The following CELF2 variants were observed in gnomAD, a reference collection of about 807,000 sequenced individuals.
CELF2 encodes the protein CUGBP Elav-like family member 2, also known as CUG triplet repeat RNA-binding protein 2.
Under a neutral mutation model 62.6 loss-of-function variants are expected in CELF2, and 8 were observed. The ratio of observed to expected loss-of-function variants is 0.13; its 90% CI spans 0.07 to 0.23. The LOEUF is 0.23. CELF2 is among the 10% of genes least tolerant of loss of function. The pLI is 1.00. For synonymous variants in CELF2, 258 were observed against 250.0 expected, an observed-to-expected ratio of 1.03 and a Z score of -0.30; for missense variants, 333 against 671.0, an observed-to-expected ratio of 0.50 and a Z score of 5.56.
At position 11,285,186 on chromosome 10, in the gene CELF2, C is replaced by A. The variant is rs773232909; in HGVS notation, c.842-3232C>A. On this transcript the variant is annotated intron_variant, in intron 8 of 12. Coordinates refer to ENST00000633077, the MANE Select transcript of CELF2 (RefSeq NM_001326342.2). This position sits in a 1 kb window ranked among gnomAD's most constrained non-coding sequence, Gnocchi z 4.3. ...ATAGATGGACGAGCAAATATGGATCCGCCTCCTTGATTGGTTCTGACTAAC... is the reference window on the plus strand; with the variant it reads ...ATAGATGGACGAGCAAATATGGATCAGCCTCCTTGATTGGTTCTGACTAAC... Among the ~76,000 whole-genome samples the A allele has an allele frequency of 6.6e-6, 1 of 151,884 alleles. No homozygotes were observed. The highest frequency in any genetic ancestry group is 1.5e-5 in the Non-Finnish European group (1 of 67,930).
intron 2 of CELF2, among the ~76,000 whole-genome samples, chr10:10,980,685 G>T (rs1425112607): frequency 2.6e-5 from 4 of 152,222 alleles, no homozygotes; most frequent in Non-Finnish European, 2.9e-5. Context: ...ACCCGCACAG[G>T]TTATTTGAGA....
rs754067634 is a variant in CELF2 at position 11,305,660 on chromosome 10, CT to C, written c.977-8478del. ...GCACCTAATGACCTAGGCACTCGGT[CT>C]CTGACCTACAGTGTTAACCTAAGAC... On this transcript the variant is annotated intron_variant, in intron 9 of 12. Coordinates refer to ENST00000633077, the MANE Select transcript of CELF2 (RefSeq NM_001326342.2). The surrounding 1 kb of genome is among the most constrained non-coding windows in gnomAD (Gnocchi z 4.8). 8.5e-5 allele frequency among the ~76,000 whole-genome samples: 13 copies of C among 152,194 alleles called. No individual in the cohort carries two copies. Among genetic ancestry groups the C allele is most frequent in the Non-Finnish European group, 1.5e-4 (10 of 68,038 alleles).
intron 1 of CELF2, among the ~76,000 whole-genome samples, chr10:11,009,057 A>G (rs1185587279): frequency 6.8e-6 from 1 of 146,800 alleles, no homozygotes; most frequent in Non-Finnish European, 1.5e-5. Context: ...TTGCTTCTCT[A>G]ATTGTTCCTG....
At chr10:11,133,743 C>T (rs1180702508) in intron 1 of CELF2, among the ~76,000 whole-genome samples, 2 of 152,208 alleles carry the variant, frequency 1.3e-5, no homozygotes, top group African/African-American at 4.8e-5. Context: ...GCCTTGCACA[C>T]CTATCACCTT....
intron 2 of CELF2, among the ~76,000 whole-genome samples, chr10:10,978,318 A>G (rs958596838): frequency 5.3e-5 from 8 of 152,168 alleles, no homozygotes; most frequent in African/African-American, 1.9e-4. Context: ...CAGTTCTAAT[A>G]ATGTAAGTCT....
intron 1 of CELF2, among the ~76,000 whole-genome samples, chr10:11,100,187 G>A (rs2051148112): frequency 6.6e-6 from 1 of 151,912 alleles, no homozygotes; most frequent in Admixed American, 6.6e-5. Context: ...CTGGGTGACA[G>A]AGCGAGACTC....
intron 1 of CELF2, among the ~76,000 whole-genome samples, chr10:10,887,772 T>C (rs546518711): frequency 1.3e-5 from 2 of 151,888 alleles, no homozygotes; most frequent in African/African-American, 4.8e-5. Flanking sequence ...GTGTAGACTT[T>C]TATTTTTTTT....
the CELF2 span, among the ~76,000 whole-genome samples, chr10:10,629,386 A>G: frequency 6.6e-6 from 1 of 152,166 alleles, no homozygotes; most frequent in Non-Finnish European, 1.5e-5. Context: ...TGTGCTCACA[A>G]AATGCACCCC....
At chr10:10,989,926 G>C (rs2053242419) in intron 2 of CELF2, among the ~76,000 whole-genome samples, 1 of 152,066 alleles carries the variant, frequency 6.6e-6, no homozygotes. Context: ...TGAAGTAACA[G>C]GTCATCACTC....
chr10:10,620,450 C>CA, the CELF2 span, among the ~76,000 whole-genome samples: 6,354 of 88,152 alleles, frequency 0.072, 536 homozygotes, highest in East Asian at 0.29. Context: ...GGCTCAGTCT[C>CA]AAAAAAAAAA....
At chr10:11,101,141 T>C (rs2051498591) in intron 1 of CELF2, among the ~76,000 whole-genome samples, 1 of 152,182 alleles carries the variant, frequency 6.6e-6, no homozygotes, top group Non-Finnish European at 1.5e-5. Flanking sequence ...ATGATGACTC[T>C]TGGATTTCTT....
At chr10:10,774,502 T>A in the CELF2 span, among the ~76,000 whole-genome samples, 4 of 152,184 alleles carry the variant, frequency 2.6e-5, no homozygotes, top group Admixed American at 6.5e-5. Flanking sequence ...GATAGAGTTC[T>A]TATGAGATCT....
the CELF2 span, among the ~76,000 whole-genome samples, chr10:10,582,213 G>A: frequency 2.0e-5 from 3 of 152,158 alleles, no homozygotes; most frequent in East Asian, 3.9e-4. Context: ...GTGAATCCCT[G>A]CTCAGGGGAT....
intron 1 of CELF2, among the ~76,000 whole-genome samples, chr10:10,887,677 C>G (rs978915903): frequency 2.0e-5 from 3 of 152,070 alleles, no homozygotes; most frequent in African/African-American, 4.8e-5. Context: ...ATTCATACAT[C>G]AAAGCTTCTG....
intron 1 of CELF2, among the ~76,000 whole-genome samples, chr10:10,909,489 T>C (rs899107379): frequency 1.3e-5 from 2 of 152,220 alleles, no homozygotes; most frequent in Non-Finnish European, 2.9e-5. Flanking sequence ...TTCTTCTCCA[T>C]GGTTTCTCTC....
intron 1 of CELF2, among the ~76,000 whole-genome samples, chr10:10,815,904 G>GTT (rs33926226): frequency 0.11 from 14,753 of 132,422 alleles, 878 homozygotes; most frequent in East Asian, 0.24. Context: ...GGTTTGGGTT[G>GTT]TTTTTTTTTT....
rs1275252424 is a variant in CELF2, at chr10:11,075,390, T to A, written c.74+57227T>A. ...TGAGAACTGCCCAGTAAAAAGATTA[T>A]ATTCTATTTTACAACCTTACTTATT... On this transcript the variant is annotated intron_variant, in intron 1 of 12. Transcript: ENST00000633077. This position sits in a 1 kb window ranked among gnomAD's most constrained non-coding sequence, Gnocchi z 5.4. 1 of 152,174 alleles carries A rather than the reference T, an allele frequency of 6.6e-6. No individual in the cohort carries two copies. Among genetic ancestry groups the A allele is most frequent in the South Asian group, 2.1e-4 (1 of 4,832 alleles). 9.4% of individuals were successfully genotyped at this position (152,174 alleles called of 1,614,324 possible). A position where few individuals can be genotyped will look rare whatever the true frequency, so the allele number is the denominator to read the frequency against.
the CELF2 span, among the ~76,000 whole-genome samples, chr10:10,683,631 T>C: frequency 2.6e-5 from 4 of 152,192 alleles, no homozygotes; most frequent in Admixed American, 1.3e-4. Flanking sequence ...AGGTGACATA[T>C]GGCGCAGTTT....
At chr10:10,653,949 A>C in the CELF2 span, among the ~76,000 whole-genome samples, 1 of 152,022 alleles carries the variant, frequency 6.6e-6, no homozygotes, top group Admixed American at 6.5e-5. Flanking sequence ...TGAAAGGATC[A>C]ACAAAATTGA....
Sources: gnomAD v4.1 joint callset for allele counts (sites outside exome capture counted in the v4.1 genomes callset) on GRCh38, gnomAD v4.1.1 for gene constraint, Gnocchi (gnomAD v3.1) non-coding constraint, MANE v1.5 for transcripts, NCBI Gene and HGNC (gene_info 2026-07-23, HGNC 2026-07-21) for gene names.